ECD: variants seen among roughly 807,000 people sequenced by gnomAD.
ECD encodes ecdysoneless cell cycle regulator.
In ECD, 59 loss-of-function variants were observed where a neutral mutation model predicts 77.2. That is an observed-to-expected ratio of 0.76 (90% CI 0.62 to 0.95). ECD has a LOEUF of 0.95. Ranked by LOEUF, ECD falls within the 40% of genes least tolerant of loss-of-function variation. The pLI is 0.00. For missense variants in ECD, 704 were observed against 763.4 expected, an observed-to-expected ratio of 0.92 and a Z score of 0.92; for synonymous variants, 233 against 267.4, an observed-to-expected ratio of 0.87 and a Z score of 1.26.
At chr10:73,162,401 G>A (rs888163084) in intron 2 of ECD, among the ~76,000 whole-genome samples, 1 of 152,170 alleles carries the variant, frequency 6.6e-6, no homozygotes, top group Non-Finnish European at 1.5e-5. Flanking sequence ...TGGGTGGATG[G>A]CAATGCCATT....
In ECD at chr10:73,165,185, C is replaced by T. The variant is rs1843437485; in HGVS notation, c.-13-1235G>A. On this transcript the variant is annotated intron_variant, in intron 1 of 13. Transcript: ENST00000372979. ...AAACTCTAAAGTACAATCTGTCTTG[C>T]TCTACAGAATGTACATCTCTCTCTT... Among the ~76,000 whole-genome samples, 3 of 152,272 alleles carry T rather than the reference C, an allele frequency of 2.0e-5. 1 individual carries two copies. The South Asian group carries it at 6.2e-4, about 32-fold the overall frequency.
chr10:73,154,185 A>C, intron 6 of ECD, 71 bp downstream of exon 6: 6 of 1,452,486 alleles, frequency 4.1e-6, no homozygotes, highest in East Asian at 4.7e-5. Flanking sequence ...GAAATGTAAA[A>C]AGAAAAAAAT....
chr10:73,138,724 A>G (rs12262121), intron 11 of ECD, among the ~76,000 whole-genome samples: 23,899 of 151,906 alleles, frequency 0.16, 3,117 homozygotes, highest in African/African-American at 0.34. Flanking sequence ...GCGCCACCAT[A>G]CCCGGCTAAT....
intron 3 of ECD, among the ~76,000 whole-genome samples, chr10:73,157,701 A>C (rs1307349218): frequency 2.6e-5 from 4 of 151,016 alleles, no homozygotes. Context: ...CAGCCTGGGC[A>C]ACAAGAGCGA....
intron 6 of ECD, among the ~76,000 whole-genome samples, chr10:73,153,329 GTGATC>G (rs1340353759): frequency 6.6e-6 from 1 of 152,176 alleles, no homozygotes; most frequent in African/African-American, 2.4e-5. Context: ...GTGGGTTCAA[GTGATC>G]CACCTGCCTT....
rs192930792 is a variant in ECD, at chr10:73,143,128, A to G, written c.1127+3148T>C. Among the ~76,000 whole-genome samples the G allele has an allele frequency of 4.2e-3, 642 of 152,312 alleles. 4 individuals are homozygous for G. The highest frequency in any genetic ancestry group is 0.014 in the African/African-American group (600 of 41,562). ...GCCTGGCACATAGGAGGCATTCAAT[A>G]AATATTTGTTGAATAAATGAATATA... On this transcript the variant is annotated intron_variant, in intron 9 of 13. Transcript: ENST00000372979.
chr10:73,166,565 T>C (rs1843468662), intron 1 of ECD, among the ~76,000 whole-genome samples: 1 of 152,252 alleles, frequency 6.6e-6, no homozygotes, highest in Admixed American at 6.5e-5. Flanking sequence ...TGATAATCAA[T>C]GATATTGAGC....
intron 13 of ECD, among the ~76,000 whole-genome samples, chr10:73,135,495 G>C (rs1031684454): frequency 6.6e-6 from 1 of 152,032 alleles, no homozygotes; most frequent in African/African-American, 2.4e-5. Flanking sequence ...GAGGTGGGTG[G>C]ATCACTTGAG....
At chr10:73,144,709 TTC>T (rs1843101523) in intron 9 of ECD, among the ~76,000 whole-genome samples, 1 of 152,140 alleles carries the variant, frequency 6.6e-6, no homozygotes, top group African/African-American at 2.4e-5. Context: ...TTGCCCAAAA[TTC>T]TTTCTTGCAT....
intron 8 of ECD, 25 bp downstream of exon 8, chr10:73,148,251 A>T (rs1387018366): frequency 6.2e-7 from 1 of 1,611,074 alleles, no homozygotes; most frequent in Non-Finnish European, 8.5e-7. Context: ...TGAATACTTA[A>T]AAGCAAATAT....
chr10:73,145,657 C>CTTTTTTTTTTTTT (rs748175828), intron 9 of ECD, among the ~76,000 whole-genome samples: 1 of 124,152 alleles, frequency 8.1e-6, no homozygotes, highest in Non-Finnish European at 1.7e-5. Flanking sequence ...TATTGTGCAG[C>CTTTTTTTTTTTTT]TTTTTTTTTT....
Position 73,156,169 on chromosome 10 carries a change from C to A in ECD, c.590+106G>T, listed in dbSNP as rs149492286. 5,674 of 1,008,238 alleles carry A rather than the reference C, an allele frequency of 5.6e-3. 171 individuals carry two copies. The East Asian group carries it at 0.057, about 10-fold the overall frequency. The allele number at this position is 1,008,238 out of a possible 1,614,324, so 62.5% of individuals were successfully genotyped here. On this transcript the variant is annotated intron_variant, in intron 5 of 13. Transcript: ENST00000372979. The stretch of plus-strand genomic sequence containing the variant: ...ATTTTATAGTCAAAGAAAGACTGAT[C>A]AACTCCAACAGAGCTTTAAGGAAAA...
At position 73,164,319 on chromosome 10, in the gene ECD, T is replaced by C. The variant is rs1843421690; in HGVS notation, c.-13-369A>G. Among the ~76,000 whole-genome samples the C allele has an allele frequency of 2.0e-5, 3 of 150,210 alleles. No individual in the cohort carries two copies. In the South Asian group the frequency reaches 6.4e-4, roughly 32 times the overall value. On this transcript the variant is annotated intron_variant, in intron 1 of 13. Transcript: ENST00000372979. Reference sequence around the variant, plus strand: ...ATGAGCCGAGATCATGCCACTGCACTCCAGCTTGGGTGACAGAGCAAGACT... The same window carrying C: ...ATGAGCCGAGATCATGCCACTGCACCCCAGCTTGGGTGACAGAGCAAGACT...
At chr10:73,147,465 G>T in intron 8 of ECD, among the ~76,000 whole-genome samples, 1 of 151,992 alleles carries the variant, frequency 6.6e-6, no homozygotes, top group East Asian at 1.9e-4. Context: ...GAGGAGAATC[G>T]CTTGAACCTA....
chr10:73,160,163 G>A (rs1367334038), intron 3 of ECD, among the ~76,000 whole-genome samples: 6 of 151,438 alleles, frequency 4.0e-5, no homozygotes, highest in Non-Finnish European at 7.4e-5. Flanking sequence ...GTGCACGCCT[G>A]TAATCCCAGC....
At chr10:73,166,140 G>A (rs959039645) in intron 1 of ECD, among the ~76,000 whole-genome samples, 12 of 151,592 alleles carry the variant, frequency 7.9e-5, no homozygotes, top group Non-Finnish European at 1.3e-4. Context: ...CATCCATGTT[G>A]TTACAAATAA....
chr10:73,160,568 A>T lies in ECD; in HGVS notation c.206-17T>A. 6.4e-7 allele frequency: 1 copy of T among 1,554,056 alleles called. No individual in the cohort carries two copies. Among genetic ancestry groups the T allele is most frequent in the African/African-American group, 1.4e-5 (1 of 72,558 alleles). On this transcript the variant is annotated splice_polypyrimidine_tract_variant and intron_variant, in intron 2 of 13. Coordinates refer to ENST00000372979, the MANE Select transcript of ECD (RefSeq NM_007265.3). ...GAACACCTCCTAAAAACAAGAGAAA[A>T]GCAACCATGTAACCAGATAAATTTG...
intron 6 of ECD, 141 bp downstream of exon 6, chr10:73,154,113 CAG>C (rs1249658248): frequency 4.8e-6 from 4 of 837,904 alleles, no homozygotes; most frequent in African/African-American, 3.4e-5. Flanking sequence ...TATGAAGAAA[CAG>C]AATATTTCCT....
chr10:73,157,035 C>G (rs1843305457), intron 3 of ECD, among the ~76,000 whole-genome samples: 1 of 151,912 alleles, frequency 6.6e-6, no homozygotes, highest in Admixed American at 6.6e-5. Context: ...TTATTTCTGC[C>G]TCATTTGCAT....
Sources: gnomAD v4.1 joint callset for allele counts (sites outside exome capture counted in the v4.1 genomes callset) on GRCh38, gnomAD v4.1.1 for gene constraint, MANE v1.5 for transcripts, NCBI Gene and HGNC (gene_info 2026-07-23, HGNC 2026-07-21) for gene names.